Variants in HPSE2 observed in about 807,000 individuals in gnomAD.
HPSE2 encodes inactive heparanase-2.
A neutral mutation model predicts 60.5 loss-of-function variants in HPSE2; 38 were observed. The ratio of observed to expected loss-of-function variants is 0.63; its 90% CI spans 0.48 to 0.82. The LOEUF (loss-of-function observed/expected upper bound fraction) is 0.82. Among genes scored for constraint, HPSE2 ranks in the 40% least tolerant of loss-of-function variants. HPSE2 has a pLI of 0.00. For missense variants in HPSE2, 713 were observed against 740.4 expected, an observed-to-expected ratio of 0.96 and a Z score of 0.43; for synonymous variants, 295 against 293.2, an observed-to-expected ratio of 1.01 and a Z score of -0.06.
chr10:98,522,635 C>A (rs1255020004), intron 9 of HPSE2, among the ~76,000 whole-genome samples: 1 of 152,138 alleles, frequency 6.6e-6, no homozygotes, highest in African/African-American at 2.4e-5. Context: ...CCACAATGCC[C>A]GGCTAATTTT....
At chr10:99,177,862 T>C (rs1847592596) in intron 2 of HPSE2, among the ~76,000 whole-genome samples, 3 of 152,098 alleles carry the variant, frequency 2.0e-5, no homozygotes, top group Admixed American at 2.0e-4. Context: ...ATTGACCACA[T>C]AATTGGAAGT....
At chr10:98,547,781 T>G (rs1214224874) in intron 9 of HPSE2, among the ~76,000 whole-genome samples, 1 of 151,686 alleles carries the variant, frequency 6.6e-6, no homozygotes, top group East Asian at 1.9e-4. Context: ...ATTGTGCACA[T>G]GTACCCTAAA....
At chr10:98,874,244 G>A (rs1485063499) in intron 3 of HPSE2, among the ~76,000 whole-genome samples, 2 of 149,270 alleles carry the variant, frequency 1.3e-5, no homozygotes, top group Non-Finnish European at 3.0e-5. Flanking sequence ...GGCTTTTGTT[G>A]CAATTGCTTT....
chr10:98,841,123 T>C (rs1951902239), intron 3 of HPSE2, among the ~76,000 whole-genome samples: 1 of 152,108 alleles, frequency 6.6e-6, no homozygotes, highest in Non-Finnish European at 1.5e-5. Flanking sequence ...CTAAGCCTGG[T>C]AGTGCAGGCC....
chr10:98,735,210 A>G (rs553444518), intron 4 of HPSE2, among the ~76,000 whole-genome samples: 29 of 22,300 alleles, frequency 1.3e-3, no homozygotes, highest in African/African-American at 3.2e-3. Flanking sequence ...GGCCACTGCC[A>G]TAAAGATACC....
chr10:99,188,002 T>G (rs1428696083), intron 2 of HPSE2, among the ~76,000 whole-genome samples: 5 of 152,172 alleles, frequency 3.3e-5, no homozygotes, highest in African/African-American at 1.2e-4. Flanking sequence ...AGGTGGTAAA[T>G]GGATAAGCAA....
chr10:98,991,841 G>T (rs1428132819), intron 3 of HPSE2, among the ~76,000 whole-genome samples: 1 of 152,116 alleles, frequency 6.6e-6, no homozygotes, highest in Non-Finnish European at 1.5e-5. Flanking sequence ...AACCCAGTTA[G>T]CAAAGTCATG....
rs372142749 is a variant in HPSE2 at position 99,150,367 on chromosome 10, C to G, written c.449-5968G>C. On this transcript the variant is annotated intron_variant, in intron 2 of 11. Coordinates refer to ENST00000370552, the MANE Select transcript of HPSE2 (RefSeq NM_021828.5). ...TTAAGACAGTGTCTTACTCTGTCAC[C>G]CAGGCTGGAGTGTAGTGGCATAGCC... 5.6e-4 allele frequency among the ~76,000 whole-genome samples: 86 copies of G among 152,256 alleles called. No individual in the cohort carries two copies. The South Asian group carries it at 0.017, about 31-fold the overall frequency.
At chr10:98,759,154 G>A (rs1390932664) in intron 3 of HPSE2, among the ~76,000 whole-genome samples, 4 of 147,946 alleles carry the variant, frequency 2.7e-5, no homozygotes, top group African/African-American at 7.4e-5. Flanking sequence ...TGGACACAAA[G>A]AAGGGAAAAA....
At chr10:98,819,222 AC>A (rs869029057) in intron 3 of HPSE2, among the ~76,000 whole-genome samples, 2 of 64,844 alleles carry the variant, frequency 3.1e-5, no homozygotes, top group Non-Finnish European at 4.9e-5. Flanking sequence ...TTTGGGTGCA[AC>A]CCCTGTCATG....
At chr10:98,593,909 C>T (rs1405037873) in intron 9 of HPSE2, among the ~76,000 whole-genome samples, 1 of 152,024 alleles carries the variant, frequency 6.6e-6, no homozygotes, top group Non-Finnish European at 1.5e-5. Flanking sequence ...CTAAGATTTC[C>T]AGAACAAATC....
At chr10:98,569,483 T>C (rs1032163858) in intron 9 of HPSE2, among the ~76,000 whole-genome samples, 6 of 152,200 alleles carry the variant, frequency 3.9e-5, no homozygotes, top group African/African-American at 1.4e-4. Context: ...AACAAAAATA[T>C]AGAGTTATAC....
chr10:99,121,564 T>C (rs1197349637), intron 3 of HPSE2, among the ~76,000 whole-genome samples: 1 of 152,078 alleles, frequency 6.6e-6, no homozygotes, highest in East Asian at 1.9e-4. Flanking sequence ...AAAAAGACAG[T>C]TACCTTCACT....
At chr10:98,548,843 A>T (rs1247183033) in intron 9 of HPSE2, among the ~76,000 whole-genome samples, 4 of 151,840 alleles carry the variant, frequency 2.6e-5, no homozygotes, top group African/African-American at 9.7e-5. Context: ...TTACTGTGAG[A>T]CTCATATATC....
chr10:99,018,823 C>T (rs1957199730), intron 3 of HPSE2, among the ~76,000 whole-genome samples: 1 of 152,170 alleles, frequency 6.6e-6, no homozygotes, highest in Admixed American at 6.5e-5. Flanking sequence ...TCAAAATCGA[C>T]TCGAAGACAC....
At chr10:98,995,406 T>C (rs1956621252) in intron 3 of HPSE2, among the ~76,000 whole-genome samples, 1 of 152,240 alleles carries the variant, frequency 6.6e-6, no homozygotes, top group South Asian at 2.1e-4. Context: ...TACCAATTAC[T>C]ATTTTTATTA....
intron 3 of HPSE2, among the ~76,000 whole-genome samples, chr10:98,885,549 C>T (rs1953139881): frequency 6.6e-6 from 1 of 152,080 alleles, no homozygotes; most frequent in Admixed American, 6.6e-5. Context: ...AAGAAATTGC[C>T]ACAGCCACTT....
At position 98,747,617 on chromosome 10, in the gene HPSE2, TTAAGAA is replaced by T. The variant is rs1464396231; in HGVS notation, c.611-3567_611-3562del. Reference sequence around the variant, plus strand: ...TGCTAAAAGTTTGGGAAATACTTCTTTAAGAATAAGTTTAAGTCCTGCCTCTTCCAT... The same window carrying T: ...TGCTAAAAGTTTGGGAAATACTTCTTTAAGTTTAAGTCCTGCCTCTTCCAT... On this transcript the variant is annotated intron_variant, in intron 3 of 11. Transcript: ENST00000370552. Among the ~76,000 whole-genome samples, 6 of 152,276 alleles carry T rather than the reference TTAAGAA, an allele frequency of 3.9e-5. No homozygotes were observed. The East Asian group carries it at 1.2e-3, about 29-fold the overall frequency.
chr10:99,217,883 C>T (rs1019436010), intron 2 of HPSE2, among the ~76,000 whole-genome samples: 3 of 152,016 alleles, frequency 2.0e-5, no homozygotes, highest in Non-Finnish European at 4.4e-5. Flanking sequence ...ACTGTGCCTG[C>T]CCCCAATATT....
Sources: allele counts gnomAD v4.1 joint callset (sites outside exome capture counted in the v4.1 genomes callset), GRCh38; gene constraint gnomAD v4.1.1; transcripts MANE v1.5; gene names NCBI Gene and HGNC (gene_info 2026-07-23, HGNC 2026-07-21).